The following PARD3B variants were observed in gnomAD, a reference collection of about 807,000 sequenced individuals.
The protein encoded by PARD3B is partitioning defective 3 homolog B.
A neutral mutation model predicts 130.2 loss-of-function variants in PARD3B; 103 were observed. The observed-to-expected ratio is 0.79, with a 90% CI of 0.67 to 0.93. The LOEUF is 0.93. PARD3B is among the 40% of genes least tolerant of loss of function. The pLI is 0.00. For missense variants in PARD3B, 1,609 were observed against 1,499.2 expected, an observed-to-expected ratio of 1.07 and a Z score of -1.21; for synonymous variants, 583 against 553.2, an observed-to-expected ratio of 1.05 and a Z score of -0.76.
At chr2:205,277,475 T>TG (rs1432346637) in intron 16 of PARD3B, among the ~76,000 whole-genome samples, 1 of 152,152 alleles carries the variant, frequency 6.6e-6, no homozygotes, top group Non-Finnish European at 1.5e-5. Flanking sequence ...TTATAATACA[T>TG]TGTGGTAATA....
chr2:205,219,731 G>T (rs1158323435), intron 15 of PARD3B, among the ~76,000 whole-genome samples: 2 of 152,180 alleles, frequency 1.3e-5, no homozygotes, highest in East Asian at 1.9e-4. Context: ...GGTAGCTTGA[G>T]TTACTACGTC....
At chr2:204,842,709 T>C (rs1379821816) in intron 2 of PARD3B, among the ~76,000 whole-genome samples, 4 of 152,196 alleles carry the variant, frequency 2.6e-5, no homozygotes, top group Non-Finnish European at 2.9e-5. Flanking sequence ...ACAATGTGTT[T>C]TGTAATGTTT....
chr2:204,953,261 T>A (rs1689945988), intron 2 of PARD3B, among the ~76,000 whole-genome samples: 1 of 152,140 alleles, frequency 6.6e-6, no homozygotes, highest in Non-Finnish European at 1.5e-5. Context: ...CTGAATATAA[T>A]GTGAAATGTT....
chr2:204,748,608 C>T (rs886888750), intron 2 of PARD3B, among the ~76,000 whole-genome samples: 6 of 152,040 alleles, frequency 3.9e-5, no homozygotes, highest in African/African-American at 1.4e-4. Flanking sequence ...ATTTTAATTA[C>T]TCAAAAGCTT....
intron 11 of PARD3B, among the ~76,000 whole-genome samples, chr2:205,159,700 C>A (rs1467982604): frequency 1.3e-5 from 2 of 152,142 alleles, no homozygotes; most frequent in African/African-American, 4.8e-5. Context: ...ACGTTTGCAC[C>A]TCTTGCCACC....
intron 2 of PARD3B, among the ~76,000 whole-genome samples, chr2:204,942,353 G>T (rs1174827912): frequency 6.6e-6 from 1 of 152,006 alleles, no homozygotes; most frequent in Non-Finnish European, 1.5e-5. Flanking sequence ...TTTCATCTGA[G>T]AACCAATATT....
Position 204,963,417 on chromosome 2 carries a change from T to C in PARD3B, c.223-1735T>C, listed in dbSNP as rs573402174. 8.5e-5 allele frequency among the ~76,000 whole-genome samples: 13 copies of C among 152,298 alleles called. No homozygotes were observed. The East Asian group carries it at 1.2e-3, about 14-fold the overall frequency. ...GGGTTATACTGAGTTAAGGATATCA[T>C]ATGAAAGAAGAGTAAGATATAACTT... On this transcript the variant is annotated intron_variant, in intron 2 of 22. Transcript: ENST00000406610.
intron 15 of PARD3B, among the ~76,000 whole-genome samples, chr2:205,225,163 G>C (rs908019548): frequency 6.6e-6 from 1 of 152,148 alleles, no homozygotes; most frequent in South Asian, 2.1e-4. Flanking sequence ...TCTATATTGA[G>C]TTTTTTAAGG....
chr2:204,987,399 A>T (rs969741976), intron 3 of PARD3B, among the ~76,000 whole-genome samples: 8 of 152,232 alleles, frequency 5.3e-5, no homozygotes, highest in Non-Finnish European at 1.0e-4. Context: ...ATGTGCTTTC[A>T]TGAAGAATAT....
chr2:205,173,667 A>G (rs916071763), intron 12 of PARD3B, among the ~76,000 whole-genome samples: 3 of 152,200 alleles, frequency 2.0e-5, no homozygotes, highest in African/African-American at 7.2e-5. Flanking sequence ...TGTTAAATAA[A>G]TTTAAATTGG....
At chr2:205,024,556 G>A (rs1252570434) in intron 3 of PARD3B, among the ~76,000 whole-genome samples, 1 of 152,102 alleles carries the variant, frequency 6.6e-6, no homozygotes, top group African/African-American at 2.4e-5. Context: ...AGTGATGTAG[G>A]TAGTGGTTAT....
chr2:205,441,055 G>T (rs903447394), intron 20 of PARD3B, among the ~76,000 whole-genome samples: 1 of 152,222 alleles, frequency 6.6e-6, no homozygotes, highest in Non-Finnish European at 1.5e-5. Flanking sequence ...GAAAAGAGAA[G>T]ATGATAGCTT....
intron 20 of PARD3B, among the ~76,000 whole-genome samples, chr2:205,462,715 A>G (rs2048492447): frequency 6.6e-6 from 1 of 152,206 alleles, no homozygotes; most frequent in Non-Finnish European, 1.5e-5. Flanking sequence ...GTACTTGGAT[A>G]AAAGAAGAAG....
At chr2:204,585,365 C>T (rs2032771035) in intron 1 of PARD3B, among the ~76,000 whole-genome samples, 1 of 152,090 alleles carries the variant, frequency 6.6e-6, no homozygotes, top group Admixed American at 6.6e-5. Flanking sequence ...TCAGATCTTG[C>T]TCTGTTGCCC....
chr2:204,870,038 A>G (rs1575174426), intron 2 of PARD3B, among the ~76,000 whole-genome samples: 1 of 152,112 alleles, frequency 6.6e-6, no homozygotes, highest in Middle Eastern at 3.4e-3. Flanking sequence ...CCTCCTTTCT[A>G]CCCTCTTCCA....
intron 8 of PARD3B, among the ~76,000 whole-genome samples, chr2:205,123,068 C>A (rs924501403): frequency 6.6e-6 from 1 of 152,072 alleles, no homozygotes; most frequent in African/African-American, 2.4e-5. Flanking sequence ...ATGAAAGATA[C>A]GACATCACAT....
chr2:205,148,050 T>C, intron 10 of PARD3B, among the ~76,000 whole-genome samples: 1 of 152,064 alleles, frequency 6.6e-6, no homozygotes, highest in South Asian at 2.1e-4. Flanking sequence ...CTAGACAATA[T>C]AGAGTATATA....
At chr2:205,162,800 G>A (rs753150993) in intron 11 of PARD3B, among the ~76,000 whole-genome samples, 17 of 152,206 alleles carry the variant, frequency 1.1e-4, no homozygotes, top group South Asian at 6.2e-4. Flanking sequence ...CAAAATTTGC[G>A]TTTTATTTTG....
chr2:204,918,631 A>G (rs1312208334), intron 2 of PARD3B, among the ~76,000 whole-genome samples: 1 of 87,908 alleles, frequency 1.1e-5, no homozygotes, highest in African/African-American at 3.6e-5. Flanking sequence ...CTCCGTCTCA[A>G]AAAAAAAAAA....
Sources: gnomAD v4.1 joint callset for allele counts (sites outside exome capture counted in the v4.1 genomes callset) on GRCh38, gnomAD v4.1.1 for gene constraint, MANE v1.5 for transcripts, NCBI Gene and HGNC (gene_info 2026-07-23, HGNC 2026-07-21) for gene names.